Variants in STXBP4 observed in about 807,000 individuals in gnomAD.
STXBP4 encodes syntaxin-binding protein 4.
STXBP4 carries 55 observed loss-of-function variants against 76.1 expected under a neutral mutation model. That is an observed-to-expected ratio of 0.72 (90% CI 0.58 to 0.91). STXBP4 has a LOEUF of 0.91. Among genes scored for constraint, STXBP4 ranks in the 40% least tolerant of loss-of-function variants. The pLI is 0.00. For missense variants in STXBP4, 618 were observed against 636.9 expected, an observed-to-expected ratio of 0.97 and a Z score of 0.32; for synonymous variants, 201 against 220.2, an observed-to-expected ratio of 0.91 and a Z score of 0.77.
intron 15 of STXBP4, among the ~76,000 whole-genome samples, chr17:55,079,308 A>G (rs1242474728): frequency 1.3e-5 from 2 of 152,180 alleles, no homozygotes; most frequent in Non-Finnish European, 2.9e-5. Context: ...TTCAAACCAC[A>G]AGTTTATGGT....
chr17:55,144,741 A>T (rs190345237), intron 17 of STXBP4, among the ~76,000 whole-genome samples: 1 of 152,330 alleles, frequency 6.6e-6, no homozygotes, highest in East Asian at 1.9e-4. Context: ...TTGCAGGTGG[A>T]TTTGATTACA....
intron 10 of STXBP4, 125 bp downstream of exon 10, chr17:55,034,384 TA>T (rs1374120988): frequency 7.3e-6 from 4 of 549,968 alleles, no homozygotes; most frequent in Non-Finnish European, 1.2e-5. Context: ...GATAAATATA[TA>T]AATACAAATC....
chr17:55,116,297 C>T (rs964854088), intron 16 of STXBP4, among the ~76,000 whole-genome samples: 2 of 151,718 alleles, frequency 1.3e-5, no homozygotes, highest in East Asian at 3.8e-4. Context: ...TTTCTGTATA[C>T]CATTAGTGCC....
intron 8 of STXBP4, among the ~76,000 whole-genome samples, chr17:55,012,333 C>T (rs1274690353): frequency 6.6e-6 from 1 of 152,076 alleles, no homozygotes; most frequent in African/African-American, 2.4e-5. Context: ...CTTTGTTTCC[C>T]GGAGGGCATT....
At chr17:55,020,169 C>G (rs2078283543) in intron 8 of STXBP4, among the ~76,000 whole-genome samples, 1 of 152,154 alleles carries the variant, frequency 6.6e-6, no homozygotes, top group Non-Finnish European at 1.5e-5. Flanking sequence ...ACTCGCTCAT[C>G]TTCTATGTCT....
At chr17:55,035,396 CT>C (rs2078581848) in intron 10 of STXBP4, among the ~76,000 whole-genome samples, 1 of 151,700 alleles carries the variant, frequency 6.6e-6, no homozygotes, top group South Asian at 2.1e-4. Flanking sequence ...ATGCATTATC[CT>C]TTTATGCTCA....
At chr17:55,025,303 C>G (rs2078392095) in intron 8 of STXBP4, among the ~76,000 whole-genome samples, 1 of 151,708 alleles carries the variant, frequency 6.6e-6, no homozygotes, top group Non-Finnish European at 1.5e-5. Context: ...TGCAAACTAC[C>G]AAGACTAACT....
chr17:55,153,717 T>G (rs1317103473), intron 17 of STXBP4, among the ~76,000 whole-genome samples: 2 of 152,182 alleles, frequency 1.3e-5, no homozygotes, highest in Non-Finnish European at 2.9e-5. Flanking sequence ...ACACTAAAAA[T>G]TAAAGTAGCT....
chr17:55,036,156 A>G (rs1230272226), intron 10 of STXBP4, among the ~76,000 whole-genome samples: 2 of 152,052 alleles, frequency 1.3e-5, no homozygotes, highest in South Asian at 4.1e-4. Context: ...CATCACTTCA[A>G]ACTGCCCCCC....
Position 55,161,878 on chromosome 17 carries a change from A to G in STXBP4, c.*1967A>G, listed in dbSNP as rs1204721009. ...TTTGCCTAAGGGTCACAAAGCACCT[A>G]TGTGTAGAAGCTAGGGTTCAAGGCA... On this transcript the variant is annotated 3_prime_UTR_variant, in exon 18 of 18. Transcript: ENST00000376352. 6.6e-6 allele frequency: 1 copy of G among 152,200 alleles called. No homozygotes were observed. Among genetic ancestry groups the G allele is most frequent in the Non-Finnish European group, 1.5e-5 (1 of 68,042 alleles). 9.4% of individuals were successfully genotyped at this position (152,200 alleles called of 1,614,324 possible). A position where few individuals can be genotyped will look rare whatever the true frequency, so the allele number is the denominator to read the frequency against.
intron 8 of STXBP4, among the ~76,000 whole-genome samples, chr17:55,013,733 G>A (rs1410042395): frequency 6.6e-6 from 1 of 152,234 alleles, no homozygotes; most frequent in Non-Finnish European, 1.5e-5. Context: ...GGACAAGAGT[G>A]TCCAGGTATG....
intron 8 of STXBP4, among the ~76,000 whole-genome samples, chr17:55,027,575 G>A (rs544212054): frequency 2.6e-4 from 39 of 152,142 alleles, no homozygotes; most frequent in Admixed American, 9.2e-4. Context: ...AATAAAAAAA[G>A]AAAAAAGTTG....
chr17:55,004,392 A>G (rs1219605729), intron 7 of STXBP4, among the ~76,000 whole-genome samples: 1 of 152,110 alleles, frequency 6.6e-6, no homozygotes, highest in African/African-American at 2.4e-5. Context: ...GCTGCTACAA[A>G]GAGGATAGGA....
intron 3 of STXBP4, among the ~76,000 whole-genome samples, chr17:54,986,495 T>G (rs962800893): frequency 8.5e-5 from 13 of 152,182 alleles, no homozygotes; most frequent in Admixed American, 7.2e-4. Context: ...AGGGCATGCC[T>G]GTAGTCCCAG....
chr17:55,184,465 C>T, the STXBP4 span, among the ~76,000 whole-genome samples: 1 of 152,212 alleles, frequency 6.6e-6, no homozygotes, highest in African/African-American at 2.4e-5. Flanking sequence ...TCCCCTTGAG[C>T]TCTTCCTTTT....
chr17:54,980,975 A>G (rs536713485), intron 1 of STXBP4, among the ~76,000 whole-genome samples: 1 of 152,118 alleles, frequency 6.6e-6, no homozygotes, highest in Non-Finnish European at 1.5e-5. Context: ...TTTTAAGCTC[A>G]TTAGTCAATA....
intron 16 of STXBP4, among the ~76,000 whole-genome samples, chr17:55,103,069 A>T (rs2079585865): frequency 6.6e-6 from 1 of 152,146 alleles, no homozygotes; most frequent in African/African-American, 2.4e-5. Flanking sequence ...ATGTTCTCCC[A>T]TTCTGCAGGT....
the STXBP4 span, among the ~76,000 whole-genome samples, chr17:55,192,322 C>G: frequency 3.9e-5 from 6 of 152,228 alleles, no homozygotes; most frequent in East Asian, 1.2e-3. Context: ...CAGCAGACCT[C>G]TCAATGGAAA....
At chr17:55,137,568 A>G (rs914669280) in intron 16 of STXBP4, among the ~76,000 whole-genome samples, 20 of 152,258 alleles carry the variant, frequency 1.3e-4, no homozygotes, top group African/African-American at 4.6e-4. Context: ...CAACATAGTG[A>G]TGAAGATCTG....
Sources: allele counts gnomAD v4.1 joint callset (sites outside exome capture counted in the v4.1 genomes callset), GRCh38; gene constraint gnomAD v4.1.1; transcripts MANE v1.5; gene names NCBI Gene and HGNC (gene_info 2026-07-23, HGNC 2026-07-21).